Variants in ADAMTS7 observed in about 807,000 individuals in gnomAD.
ADAMTS7 encodes the protein ADAM metallopeptidase with thrombospondin type 1 motif 7, also known as A disintegrin and metalloproteinase with thrombospondin motifs 7.
In ADAMTS7, 89 loss-of-function variants were observed where a neutral mutation model predicts 172.6. That is an observed-to-expected ratio of 0.52 (90% confidence interval 0.43 to 0.61). The LOEUF (loss-of-function observed/expected upper bound fraction) is 0.61, where lower values mean the gene tolerates loss of function less well. Ranked by LOEUF, ADAMTS7 falls within the 20% of genes least tolerant of loss-of-function variation. ADAMTS7 has a pLI of 0.00. For synonymous variants in ADAMTS7, 885 were observed against 978.4 expected (o/e 0.90, Z 1.78); for missense variants, 1,973 against 2,355.6 (o/e 0.84, Z 3.36).
Position 78,765,734 on chromosome 15 carries a change from G to C in ADAMTS7, c.4177C>G (p.Pro1393Ala). ...GCTTCAGCCAGGCTGGGAGCCAGCG[G>C]CTGGGTCTCAGGGACTCTGTGGCTG... ...ANSHRVPETQ[P>A]LAPSLAEAGP... The change falls in exon 19 of 24, where the codon CCG becomes GCG. Residue 1393 changes from proline to alanine, a missense_variant. This residue lies in a region of ADAMTS7 where 771 missense variants were observed against 952.6 expected (regional missense o/e 0.81). Coordinates refer to ENST00000388820, the MANE Select transcript of ADAMTS7 (RefSeq NM_014272.5). The C allele has an allele frequency of 6.2e-7, 1 of 1,610,808 alleles. No individual in the cohort carries two copies. Among genetic ancestry groups the C allele is most frequent in the Non-Finnish European group, 8.5e-7 (1 of 1,179,816 alleles).
chr15:78,790,205 T>C (rs4886592), intron 6 of ADAMTS7, among the ~76,000 whole-genome samples: 47,669 of 151,978 alleles, frequency 0.31, 8,793 homozygotes, highest in Non-Finnish European at 0.43. Context: ...ACGGGTAGCA[T>C]GAGACATCCT....
intron 23 of ADAMTS7, among the ~76,000 whole-genome samples, 192 bp from the exon 24 acceptor site, chr15:78,759,770 C>G (rs936022558): frequency 6.6e-6 from 1 of 152,188 alleles, no homozygotes; most frequent in Non-Finnish European, 1.5e-5. Context: ...TACTCATGGC[C>G]AACCCCAGGA....
At chr15:78,793,082 G>A (rs1213269754) in intron 4 of ADAMTS7, among the ~76,000 whole-genome samples, 3 of 152,136 alleles carry the variant, frequency 2.0e-5, no homozygotes, top group South Asian at 2.1e-4. Flanking sequence ...AGCTTAACAC[G>A]TACAGTCCCT....
At chr15:78,776,897 ACCCTGCCCCCCT>A (rs2055355316) in intron 9 of ADAMTS7, 56 bp from the exon 10 acceptor site, 1 of 1,205,802 alleles carries the variant, frequency 8.3e-7, no homozygotes, top group African/African-American at 1.8e-5. Flanking sequence ...GCCGCCACCC[ACCCTGCCCCCCT>A]CCCTGTCCCC....
intron 9 of ADAMTS7, 84 bp downstream of exon 9, chr15:78,777,360 T>C (rs2055362688): frequency 1.3e-6 from 2 of 1,508,332 alleles, no homozygotes; most frequent in Non-Finnish European, 1.8e-6. Flanking sequence ...GCTCCCAGGC[T>C]GGCATCCACG....
At chr15:78,793,976 G>A (rs1427721276) in intron 4 of ADAMTS7, among the ~76,000 whole-genome samples, 1 of 152,158 alleles carries the variant, frequency 6.6e-6, no homozygotes, top group African/African-American at 2.4e-5. Context: ...GAAAATGGGG[G>A]TGAGGGCCGG....
chr15:78,764,319 G>C (rs2055103331), intron 20 of ADAMTS7, among the ~76,000 whole-genome samples: 1 of 152,270 alleles, frequency 6.6e-6, no homozygotes, highest in Admixed American at 6.5e-5. Flanking sequence ...GAGGAACAAA[G>C]GCAAGCTGGT....
At position 78,774,811 on chromosome 15, in the gene ADAMTS7, G is replaced by T; in HGVS notation, c.1707-18C>A. On this transcript the variant is annotated intron_variant, in intron 11 of 23. Transcript: ENST00000388820. Reference sequence around the variant, plus strand: ...ATTTGGGCCTGTGGGGAGAACCGGGGTGGGCCCCAGTGACGGCCCAGTGAG... The same window carrying T: ...ATTTGGGCCTGTGGGGAGAACCGGGTTGGGCCCCAGTGACGGCCCAGTGAG... The T allele has an allele frequency of 6.4e-7, 1 of 1,570,378 alleles. No individual in the cohort carries two copies.
Position 78,765,712 on chromosome 15 carries a change from T to A in ADAMTS7, c.4199A>T (p.Glu1400Val), listed in dbSNP as rs755546538. Residue 1400 changes from glutamate (E) to valine (V), a missense_variant, in exon 19 of 24, where the codon GAA (glutamate) becomes GTA (valine). Physicochemically the swap from Glu to Val is moderately radical, Grantham distance 121 (BLOSUM62 -2). This residue lies in a region of ADAMTS7 where 771 missense variants were observed against 952.6 expected (regional missense o/e 0.81). Transcript: ENST00000388820. ...ETQPLAPSLA[E>V]AGPPADPLVV... ...CAACGGGTCCGCGGGGGGCCCCGCTTCAGCCAGGCTGGGAGCCAGCGGCTG... is the reference window on the plus strand; with the variant it reads ...CAACGGGTCCGCGGGGGGCCCCGCTACAGCCAGGCTGGGAGCCAGCGGCTG... 3.7e-6 allele frequency: 6 copies of A among 1,610,678 alleles called. No homozygotes were observed. Among genetic ancestry groups the A allele is most frequent in the Non-Finnish European group, 5.1e-6 (6 of 1,179,776 alleles).
rs1293992743 is a variant in ADAMTS7, at chr15:78,790,543, G to A, written c.1028+127C>T. ...GGACAGAATCCAGCCTTGGGCCAAAGGTGCGCAAACTCTCCTCAAAATTGG... is the reference window on the plus strand; with the variant it reads ...GGACAGAATCCAGCCTTGGGCCAAAAGTGCGCAAACTCTCCTCAAAATTGG... On this transcript the variant is annotated intron_variant, in intron 6 of 23. Coordinates refer to ENST00000388820, the MANE Select transcript of ADAMTS7 (RefSeq NM_014272.5). 6.4e-6 allele frequency: 8 copies of A among 1,249,114 alleles called. No individual in the cohort carries two copies. In the East Asian group the frequency reaches 1.7e-4, roughly 26 times the overall value. The allele number at this position is 1,249,114 out of a possible 1,614,324, so 77.4% of individuals were successfully genotyped here. A position where few individuals can be genotyped will look rare whatever the true frequency, so the allele number is the denominator to read the frequency against.
intron 7 of ADAMTS7, 82 bp from the exon 8 acceptor site, chr15:78,788,456 C>G: frequency 6.5e-7 from 1 of 1,546,084 alleles, no homozygotes; most frequent in African/African-American, 1.4e-5. Context: ...CCACAAGGTG[C>G]GCAGTCCTAG....
In ADAMTS7 at chr15:78,811,394, G is replaced by C; in HGVS notation, c.-174C>G. On this transcript the variant is annotated 5_prime_UTR_variant, in exon 1 of 24. Transcript: ENST00000388820. ...CGGTCCGCGGGCAACAAAGGCTGCA[G>C]GGCCCGCCCCCTTGGCCGCTGCAGA... The C allele has an allele frequency of 1.6e-6, 1 of 632,480 alleles. No individual in the cohort carries two copies. Among genetic ancestry groups the C allele is most frequent in the Non-Finnish European group, 2.2e-6 (1 of 446,410 alleles). The allele number at this position is 632,480 out of a possible 1,614,324, so 39.2% of individuals were successfully genotyped here. A position where few individuals can be genotyped will look rare whatever the true frequency, so the allele number is the denominator to read the frequency against.
chr15:78,782,187 C>T lies in ADAMTS7; in HGVS notation c.1323-4599G>A, dbSNP rs138353289. Among the ~76,000 whole-genome samples, 245 of 152,162 alleles carry T rather than the reference C, an allele frequency of 1.6e-3. 1 individual carries two copies. The highest frequency in any genetic ancestry group is 3.7e-3 in the African/African-American group (155 of 41,504). ...CTGGGATTATAGGCGTGCACCACCA[C>T]GCCCAGCTAATTTTTGTATTTTTAG... On this transcript the variant is annotated intron_variant, in intron 8 of 23. Transcript: ENST00000388820.
rs139587823 is a variant in ADAMTS7, at chr15:78,766,826, G to A, written c.3085C>T (p.Arg1029Cys). Residue 1029 changes from arginine (R) to cysteine (C), a missense_variant, in exon 19 of 24, where the codon CGC becomes TGC. Coordinates refer to ENST00000388820, the MANE Select transcript of ADAMTS7 (RefSeq NM_014272.5). ...ADFIPHHLAP[R>C]PSPASSPKPG... Reference sequence around the variant, plus strand: ...TTGGGTGATGAGGCGGGTGAAGGGCGTGGGGCCAGGTGGTGCGGGATGAAG... The same window carrying A: ...TTGGGTGATGAGGCGGGTGAAGGGCATGGGGCCAGGTGGTGCGGGATGAAG... 6.8e-4 allele frequency: 1,096 copies of A among 1,610,058 alleles called. 7 individuals are homozygous for A. In the African/African-American group the frequency reaches 0.012, roughly 17 times the overall value.
At chr15:78,810,590 G>GC (rs1234089491) in intron 1 of ADAMTS7, 1 of 152,492 alleles carries the variant, frequency 6.6e-6, no homozygotes, top group South Asian at 2.1e-4. Context: ...GCAAGACCCG[G>GC]CCCCCCGAGC....
Position 78,765,695 on chromosome 15 carries a change from C to A in ADAMTS7, c.4216G>T (p.Asp1406Tyr). 1 of 1,610,596 alleles carries A rather than the reference C, an allele frequency of 6.2e-7. No individual in the cohort carries two copies. The highest frequency in any genetic ancestry group is 1.1e-5 in the South Asian group (1 of 90,954). The change falls in exon 19 of 24, where the codon GAC (aspartate) becomes TAC (tyrosine). Residue 1406 changes from aspartate to tyrosine, a missense_variant. Transcript: ENST00000388820. ...PSLAEAGPPA[D>Y]PLVVRNAGWQ... ...CCGGCGTTCCTGACAACCAACGGGT[C>A]CGCGGGGGGCCCCGCTTCAGCCAGG...
rs1167804984 is a variant in ADAMTS7, at chr15:78,767,599, A to G, written c.2646-7T>C. 2.0e-6 allele frequency: 3 copies of G among 1,532,550 alleles called. No homozygotes were observed. The highest frequency in any genetic ancestry group is 2.5e-5 in the East Asian group (1 of 40,706). 94.9% of individuals were successfully genotyped at this position (1,532,550 alleles called of 1,614,324 possible). On this transcript the variant is annotated splice_polypyrimidine_tract_variant and splice_region_variant and intron_variant, in intron 17 of 23. Coordinates refer to ENST00000388820, the MANE Select transcript of ADAMTS7 (RefSeq NM_014272.5). ...CCACTCACCTGCCCACCACCTGGCG[A>G]GGGCACACAGGTGGCATCAGTGTGG...
rs147638049 is a variant in ADAMTS7, at chr15:78,796,635, G to A, written c.774C>T (p.His258=). The A allele has an allele frequency of 2.3e-5, 37 of 1,613,958 alleles. No individual in the cohort carries two copies. Among genetic ancestry groups the A allele is most frequent in the African/African-American group, 4.0e-5 (3 of 74,960 alleles). ...CATAGCTCTCAACCTGCGGCTGTCC[G>A]TGGTACTCCACCATTTTGGCATCAG... is the stretch of plus-strand genomic sequence containing the variant. ...VVADAKMVEY[H]GQPQVESYVL... Residue 258 remains histidine, a synonymous_variant, in exon 4 of 24, where the codon CAC becomes CAT. Transcript: ENST00000388820.
chr15:78,787,199 C>T (rs1346242514), intron 8 of ADAMTS7, among the ~76,000 whole-genome samples: 7 of 152,014 alleles, frequency 4.6e-5, no homozygotes, highest in Admixed American at 2.6e-4. Context: ...GGAGTCAGCA[C>T]CCCTGACCCC....
Sources: allele counts gnomAD v4.1 joint callset (sites outside exome capture counted in the v4.1 genomes callset), GRCh38; gene constraint gnomAD v4.1.1; regional missense constraint gnomAD v4.1.1; transcripts MANE v1.5; gene names NCBI Gene and HGNC (gene_info 2026-07-23, HGNC 2026-07-21).